PTPRD: variants seen among roughly 807,000 people sequenced by gnomAD.
PTPRD encodes the protein receptor-type tyrosine-protein phosphatase delta.
A neutral mutation model predicts 214.5 loss-of-function variants in PTPRD; 34 were observed. That is an observed-to-expected ratio of 0.16 (90% CI 0.12 to 0.21). The LOEUF is 0.21. PTPRD is among the 10% of genes least tolerant of loss of function. The pLI, the probability that PTPRD is intolerant of heterozygous loss-of-function variation, is 1.00. For synonymous variants in PTPRD, 1,128 were observed against 845.7 expected (o/e 1.33, Z -5.79); for missense variants, 2,545 against 2,398.7 (o/e 1.06, Z -1.27).
At chr9:9,413,361 G>A (rs1006580946) in intron 8 of PTPRD, among the ~76,000 whole-genome samples, 10 of 151,374 alleles carry the variant, frequency 6.6e-5, no homozygotes, top group African/African-American at 1.7e-4. Context: ...TGATCCACCC[G>A]CCTCGGCCTC....
At chr9:8,826,709 G>T (rs969063918) in intron 11 of PTPRD, among the ~76,000 whole-genome samples, 4 of 151,314 alleles carry the variant, frequency 2.6e-5, no homozygotes, top group African/African-American at 9.7e-5. Flanking sequence ...CCTGCTGGAC[G>T]GTAAGCCCCT....
chr9:9,157,451 C>T (rs2099882204), intron 10 of PTPRD, among the ~76,000 whole-genome samples: 1 of 151,896 alleles, frequency 6.6e-6, no homozygotes, highest in Non-Finnish European at 1.5e-5. Flanking sequence ...ACTGATAAGA[C>T]AGAAATTCAA....
intron 8 of PTPRD, among the ~76,000 whole-genome samples, chr9:9,464,094 T>G (rs1341360899): frequency 6.6e-6 from 1 of 152,210 alleles, no homozygotes; most frequent in African/African-American, 2.4e-5. Context: ...GAGATGGATT[T>G]GAGTCTGATC....
chr9:9,133,956 G>A (rs1476882965), intron 10 of PTPRD, among the ~76,000 whole-genome samples: 1 of 150,972 alleles, frequency 6.6e-6, no homozygotes, highest in Non-Finnish European at 1.5e-5. Context: ...AGATCTCTCA[G>A]ACTTAACATT....
At chr9:9,810,765 T>G (rs1341925009) in intron 5 of PTPRD, among the ~76,000 whole-genome samples, 2 of 152,064 alleles carry the variant, frequency 1.3e-5, no homozygotes, top group African/African-American at 2.4e-5. Context: ...GTAGTAATTT[T>G]GACTCTCAGG....
intron 8 of PTPRD, among the ~76,000 whole-genome samples, chr9:9,517,922 T>C (rs2154251686): frequency 6.6e-6 from 1 of 151,612 alleles, no homozygotes; most frequent in East Asian, 2.0e-4. Flanking sequence ...TCTTAACCTG[T>C]GTTGTATATG....
At chr9:10,459,651 G>A (rs1026436140) in intron 2 of PTPRD, among the ~76,000 whole-genome samples, 5 of 151,598 alleles carry the variant, frequency 3.3e-5, no homozygotes, top group Non-Finnish European at 7.4e-5. Flanking sequence ...CTAACGACCC[G>A]TGATGAAGAG....
intron 5 of PTPRD, among the ~76,000 whole-genome samples, chr9:9,866,903 C>A (rs1278954218): frequency 6.6e-6 from 1 of 152,116 alleles, no homozygotes; most frequent in Non-Finnish European, 1.5e-5. Context: ...TCCTATTAAA[C>A]CGCAACAGTT....
intron 11 of PTPRD, among the ~76,000 whole-genome samples, chr9:8,884,609 G>A (rs573549634): frequency 3.3e-5 from 5 of 152,166 alleles, no homozygotes; most frequent in Non-Finnish European, 7.3e-5. Flanking sequence ...TAGCTATTCC[G>A]AAAGTTTCTG....
chr9:9,754,045 T>A (rs1055049645), intron 6 of PTPRD, among the ~76,000 whole-genome samples: 8 of 152,094 alleles, frequency 5.3e-5, no homozygotes, highest in Non-Finnish European at 1.0e-4. Context: ...CCAGGCTGGA[T>A]GATCTGAGGA....
At chr9:10,194,345 TAGAGAGAGAGAG>T (rs1182799154) in intron 3 of PTPRD, among the ~76,000 whole-genome samples, 548 of 39,284 alleles carry the variant, frequency 0.014, 1 homozygote, top group South Asian at 0.032. Context: ...TATATATATA[TAGAGAGAGAGAG>T]AGAGAGAGAG....
chr9:9,187,025 T>G (rs2099932066), intron 9 of PTPRD, among the ~76,000 whole-genome samples: 1 of 150,374 alleles, frequency 6.7e-6, no homozygotes, highest in African/African-American at 2.5e-5. Context: ...ATTTCACACC[T>G]GAAAAAGGTA....
chr9:10,496,907 G>A (rs776529703), intron 2 of PTPRD, among the ~76,000 whole-genome samples: 1 of 151,920 alleles, frequency 6.6e-6, no homozygotes, highest in Non-Finnish European at 1.5e-5. Flanking sequence ...TCTGTAGACT[G>A]TCTGTTTACT....
chr9:9,211,854 G>A (rs1235197881), intron 9 of PTPRD, among the ~76,000 whole-genome samples: 1 of 150,984 alleles, frequency 6.6e-6, no homozygotes, highest in Non-Finnish European at 1.5e-5. Flanking sequence ...CAGCCAGGCT[G>A]AGTAACTTAG....
chr9:10,176,464 G>C (rs2099249359), intron 3 of PTPRD, among the ~76,000 whole-genome samples: 1 of 151,934 alleles, frequency 6.6e-6, no homozygotes, highest in East Asian at 1.9e-4. Flanking sequence ...TTTGACCTAT[G>C]TATCAGAAAT....
At chr9:8,847,967 G>A (rs1232358000) in intron 11 of PTPRD, among the ~76,000 whole-genome samples, 3 of 152,094 alleles carry the variant, frequency 2.0e-5, no homozygotes, top group East Asian at 3.9e-4. Flanking sequence ...TATCCCTGCT[G>A]GATCGATAGT....
chr9:10,476,859 G>A (rs1235580937), intron 2 of PTPRD, among the ~76,000 whole-genome samples: 2 of 151,924 alleles, frequency 1.3e-5, no homozygotes, highest in East Asian at 1.9e-4. Context: ...TCATATCTTC[G>A]ACATACCTGA....
At chr9:10,151,000 T>C (rs73394280) in intron 3 of PTPRD, among the ~76,000 whole-genome samples, 5,447 of 151,660 alleles carry the variant, frequency 0.036, 104 homozygotes, top group Middle Eastern at 0.058. Context: ...GAGTTGTGGA[T>C]ATAAAATAAG....
chr9:8,795,102 C>T (rs1217872035), intron 11 of PTPRD, among the ~76,000 whole-genome samples: 1 of 152,046 alleles, frequency 6.6e-6, no homozygotes, highest in Non-Finnish European at 1.5e-5. Flanking sequence ...ATTTTAATTT[C>T]TTGGGCACTA....
Sources: gnomAD v4.1 joint callset for allele counts (sites outside exome capture counted in the v4.1 genomes callset) on GRCh38, gnomAD v4.1.1 for gene constraint, MANE v1.5 for transcripts, NCBI Gene and HGNC (gene_info 2026-07-23, HGNC 2026-07-21) for gene names.